Variants in ITGAX observed in about 807,000 individuals in gnomAD.
The protein encoded by ITGAX is integrin subunit alpha X, also known as integrin alpha-X.
In ITGAX, 99 loss-of-function variants were observed where a neutral mutation model predicts 140.2. The ratio of observed to expected loss-of-function variants is 0.71; its 90% confidence interval spans 0.60 to 0.83. The LOEUF is 0.83. Among genes scored for constraint, ITGAX ranks in the 40% least tolerant of loss-of-function variants. The probability of loss-of-function intolerance (pLI) is 0.00; values close to 1 mark genes in which losing one functional copy is unlikely to be tolerated. For synonymous variants in ITGAX, 631 were observed against 600.4 expected, an observed-to-expected ratio of 1.05 and a Z score of -0.75; for missense variants, 1,444 against 1,482.0, an observed-to-expected ratio of 0.97 and a Z score of 0.42.
chr16:31,361,817 G>A lies in ITGAX; in HGVS notation c.1013-19G>A. 1 of 1,613,764 alleles carries A rather than the reference G, an allele frequency of 6.2e-7. No homozygotes were observed. Among genetic ancestry groups the A allele is most frequent in the Non-Finnish European group, 8.5e-7 (1 of 1,179,742 alleles). ...GCCCGTCTCCCTCCCTGGCACTCAA[G>A]CGTCATGCCTTCCCCCAGGTACGGA... On this transcript the variant is annotated intron_variant, in intron 9 of 29. Coordinates refer to ENST00000268296, the MANE Select transcript of ITGAX (RefSeq NM_000887.5).
intron 23 of ITGAX, among the ~76,000 whole-genome samples, chr16:31,378,023 GGC>G (rs1341186810): frequency 6.6e-6 from 1 of 152,190 alleles, no homozygotes; most frequent in Non-Finnish European, 1.5e-5. Flanking sequence ...GAAGCAGTGA[GGC>G]AGTGGTGAGA....
intron 14 of ITGAX, among the ~76,000 whole-genome samples, chr16:31,370,620 G>T (rs755220123): frequency 3.3e-5 from 5 of 152,146 alleles, no homozygotes; most frequent in Non-Finnish European, 5.9e-5. Context: ...AAACTCTGAG[G>T]TCCCTTTCAG....
chr16:31,359,336 T>G (rs1200327559), intron 5 of ITGAX, among the ~76,000 whole-genome samples: 2 of 151,998 alleles, frequency 1.3e-5, no homozygotes, highest in Admixed American at 1.3e-4. Flanking sequence ...CACCTAATTT[T>G]TGTATTTTTA....
At chr16:31,359,142 G>A (rs780027932) in intron 5 of ITGAX, among the ~76,000 whole-genome samples, 2 of 151,860 alleles carry the variant, frequency 1.3e-5, no homozygotes, top group African/African-American at 2.4e-5. Flanking sequence ...TTTTGTTGAT[G>A]GGGCTGAGCA....
At chr16:31,362,009 A>T in intron 10 of ITGAX, 66 bp from the exon 11 acceptor site, 1 of 1,613,304 alleles carries the variant, frequency 6.2e-7, no homozygotes, top group Non-Finnish European at 8.5e-7. Context: ...GGCGGAAGGC[A>T]TATCTCTGGT....
chr16:31,379,910 C>G, intron 25 of ITGAX, 46 bp downstream of exon 25: 1 of 1,608,746 alleles, frequency 6.2e-7, no homozygotes, highest in Non-Finnish European at 8.5e-7. Flanking sequence ...CCCTTTCTAC[C>G]TGGATTCCTT....
At chr16:31,371,899 C>A in intron 17 of ITGAX, 115 bp downstream of exon 17, 1 of 1,251,288 alleles carries the variant, frequency 8.0e-7, no homozygotes, top group Non-Finnish European at 1.1e-6. Context: ...ACAGGACCAG[C>A]CATGCAGGAC....
Position 31,357,031 on chromosome 16 carries a change from T to A in ITGAX, c.248T>A (p.Val83Glu). 1 of 1,607,938 alleles carries A rather than the reference T, an allele frequency of 6.2e-7. No homozygotes were observed. Among genetic ancestry groups the A allele is most frequent in the South Asian group, 1.1e-5 (1 of 90,824 alleles). Residue 83 changes from valine to glutamate, a missense_variant and splice_region_variant, in exon 4 of 30, where the codon GTG becomes GAG. Val to Glu is a moderately radical substitution (Grantham distance 121). Transcript: ENST00000268296. Reference protein sequence around the residue: ...TGACEPIGLQVPPEAVNMSLG... With the variant: ...TGACEPIGLQEPPEAVNMSLG... ...ACCATGCACATATCTGTCCCCACAG[T>A]GCCCCCGGAGGCCGTGAACATGTCC...
intron 14 of ITGAX, among the ~76,000 whole-genome samples, chr16:31,364,853 CAA>C (rs56670313): frequency 8.1e-4 from 86 of 106,140 alleles, no homozygotes; most frequent in Non-Finnish European, 9.2e-4. Flanking sequence ...ACTAAAAATA[CAA>C]AAAAAAAAAA....
At chr16:31,377,858 A>G (rs2142528250) in intron 23 of ITGAX, among the ~76,000 whole-genome samples, 1 of 152,346 alleles carries the variant, frequency 6.6e-6, no homozygotes, top group Middle Eastern at 3.4e-3. Context: ...CCAAGGTGGG[A>G]GGATTGCTTG....
rs898430734 is a variant in ITGAX, at chr16:31,356,295, A to G, written c.143+297A>G. 1.4e-5 allele frequency: 6 copies of G among 419,706 alleles called. 1 individual carries two copies. The highest frequency in any genetic ancestry group is 1.2e-4 in the Admixed American group (3 of 25,308). 26.0% of individuals were successfully genotyped at this position (419,706 alleles called of 1,614,324 possible). A position where few individuals can be genotyped will look rare whatever the true frequency, so the allele number is the denominator to read the frequency against. ...ATTTGTTTTTTCTTTCTTTTTTTCT[A>G]TACATTTAAAAATATATAGAGACAG... is the stretch of plus-strand genomic sequence containing the variant. On this transcript the variant is annotated intron_variant, in intron 2 of 29. Coordinates refer to ENST00000268296, the MANE Select transcript of ITGAX (RefSeq NM_000887.5).
intron 17 of ITGAX, among the ~76,000 whole-genome samples, chr16:31,372,069 T>C (rs1029262570): frequency 1.1e-4 from 16 of 151,156 alleles, no homozygotes; most frequent in African/African-American, 3.9e-4. Context: ...AGGCATTCAC[T>C]GGACAGGGGT....
intron 9 of ITGAX, 74 bp downstream of exon 9, chr16:31,361,287 C>T (rs371074510): frequency 6.1e-5 from 91 of 1,482,190 alleles, no homozygotes; most frequent in Middle Eastern, 1.8e-4. Context: ...CCCGAGGCTC[C>T]GTGAAACAGG....
chr16:31,362,611 G>A lies in ITGAX; in HGVS notation c.1217G>A (p.Gly406Asp), dbSNP rs751129952. The change falls in exon 12 of 30, where the codon GGT (glycine) becomes GAT (aspartate). Residue 406 changes from glycine (G) to aspartate (D), a missense_variant and splice_region_variant. Transcript: ENST00000268296. ...TTGTGCTGAGGCCTGGGCCCCTCAGGTTACTCCACCGAGCTGGCCCTCTGG... is the reference window on the plus strand; with the variant it reads ...TTGTGCTGAGGCCTGGGCCCCTCAGATTACTCCACCGAGCTGGCCCTCTGG... ...ENVDMRDSYL[G>D]YSTELALWKG... The A allele has an allele frequency of 1.2e-6, 2 of 1,610,706 alleles. No individual in the cohort carries two copies. Among genetic ancestry groups the A allele is most frequent in the Non-Finnish European group, 1.7e-6 (2 of 1,179,040 alleles).
chr16:31,374,957 G>C (rs971448512), intron 20 of ITGAX, among the ~76,000 whole-genome samples: 4 of 152,242 alleles, frequency 2.6e-5, no homozygotes. Flanking sequence ...GAGTAGATTA[G>C]TTATTTCAGG....
At chr16:31,376,947 C>T (rs767714828) in intron 21 of ITGAX, 32 bp downstream of exon 21, 9 of 1,613,140 alleles carry the variant, frequency 5.6e-6, no homozygotes. Context: ...TCACTGCTCC[C>T]CTGCCCCACC....
At chr16:31,360,279 CA>C in intron 7 of ITGAX, 30 bp from the exon 8 acceptor site, 1 of 1,579,198 alleles carries the variant, frequency 6.3e-7, no homozygotes, top group Non-Finnish European at 8.6e-7. Flanking sequence ...GTTTGGTTCA[CA>C]GGCCTCTAAG....
chr16:31,366,411 T>A (rs1476054017), intron 14 of ITGAX, among the ~76,000 whole-genome samples: 1 of 152,202 alleles, frequency 6.6e-6, no homozygotes, highest in Non-Finnish European at 1.5e-5. Flanking sequence ...CCCTCTCCTG[T>A]GGCCTCCCTA....
Position 31,363,907 on chromosome 16 carries a change from G to A in ITGAX, c.1710+533G>A, listed in dbSNP as rs1214804503. ...CTCCTGACCTCTAACCCGGTGTGCAGTCTCCCGGCTCCCTGCTGCTCACCA... is the reference window on the plus strand; with the variant it reads ...CTCCTGACCTCTAACCCGGTGTGCAATCTCCCGGCTCCCTGCTGCTCACCA... On this transcript the variant is annotated intron_variant, in intron 14 of 29. Transcript: ENST00000268296. 4.6e-5 allele frequency among the ~76,000 whole-genome samples: 7 copies of A among 152,192 alleles called. No homozygotes were observed. The East Asian group carries it at 1.3e-3, about 29-fold the overall frequency.
Sources: gnomAD v4.1 joint callset for allele counts (sites outside exome capture counted in the v4.1 genomes callset) on GRCh38, gnomAD v4.1.1 for gene constraint, MANE v1.5 for transcripts, NCBI Gene and HGNC (gene_info 2026-07-23, HGNC 2026-07-21) for gene names.